Variants in DYNC2LI1 observed in about 807,000 individuals in gnomAD.
DYNC2LI1 encodes the protein dynein cytoplasmic 2 light intermediate chain 1.
DYNC2LI1 carries 45 observed loss-of-function variants against 51.9 expected under a neutral mutation model. That is an observed-to-expected ratio of 0.87 (90% CI 0.68 to 1.11). The LOEUF is 1.11. Among genes scored for constraint, DYNC2LI1 ranks in the 50% most tolerant of loss-of-function variants. The probability of loss-of-function intolerance (pLI) is 0.00; values close to 1 mark genes in which losing one functional copy is unlikely to be tolerated. For synonymous variants in DYNC2LI1, 130 were observed against 137.8 expected, an observed-to-expected ratio of 0.94 and a Z score of 0.40; for missense variants, 490 against 417.4, an observed-to-expected ratio of 1.17 and a Z score of -1.51.
At chr2:43,828,048 A>C in the DYNC2LI1 span, 1 of 1,614,064 alleles carries the variant, frequency 6.2e-7, no homozygotes, top group Non-Finnish European at 8.5e-7. Context: ...AATGCCCCCC[A>C]AGCTGTAGTT....
intron 10 of DYNC2LI1, among the ~76,000 whole-genome samples, chr2:43,803,514 G>C (rs943418733): frequency 1.3e-5 from 2 of 152,160 alleles, no homozygotes; most frequent in African/African-American, 4.8e-5. Flanking sequence ...AGAGGGCAGG[G>C]ATAGAACTAT....
the DYNC2LI1 span, chr2:43,822,760 G>C: frequency 6.2e-7 from 1 of 1,613,828 alleles, no homozygotes; most frequent in Non-Finnish European, 8.5e-7. Flanking sequence ...ATGACTCCAT[G>C]GGAGCCCGGC....
chr2:43,786,353 C>CT (rs1051547944), intron 3 of DYNC2LI1, among the ~76,000 whole-genome samples: 6 of 151,148 alleles, frequency 4.0e-5, no homozygotes, highest in African/African-American at 9.7e-5. Flanking sequence ...CATGTGCTAC[C>CT]TTTTTTTTTG....
intron 3 of DYNC2LI1, among the ~76,000 whole-genome samples, chr2:43,784,444 CTT>C (rs1020543253): frequency 1.4e-5 from 2 of 145,870 alleles, no homozygotes; most frequent in African/African-American, 5.0e-5. Flanking sequence ...TTCTTTCTTT[CTT>C]TTTTTTTTTT....
chr2:43,818,298 G>T, the DYNC2LI1 span, among the ~76,000 whole-genome samples: 6 of 152,058 alleles, frequency 3.9e-5, no homozygotes, highest in African/African-American at 1.2e-4. Flanking sequence ...ACAAAAATTA[G>T]CCGAGCATGG....
At chr2:43,791,367 C>T (rs1673775985) in intron 5 of DYNC2LI1, among the ~76,000 whole-genome samples, 2 of 152,104 alleles carry the variant, frequency 1.3e-5, no homozygotes, top group Admixed American at 6.5e-5. Flanking sequence ...ACCTCACTCC[C>T]CTTCTTGAAG....
At chr2:43,790,419 A>G (rs1434481134) in intron 5 of DYNC2LI1, among the ~76,000 whole-genome samples, 1 of 152,226 alleles carries the variant, frequency 6.6e-6, no homozygotes, top group Non-Finnish European at 1.5e-5. Context: ...TGGATCAAAT[A>G]CAAAGGGCTT....
chr2:43,823,030 G>C, the DYNC2LI1 span: 2 of 1,539,884 alleles, frequency 1.3e-6, no homozygotes, highest in Non-Finnish European at 1.8e-6. Flanking sequence ...GTCAGGGCTG[G>C]ATGGTGAGGA....
chr2:43,783,521 G>T lies in DYNC2LI1; in HGVS notation c.128G>T (p.Gly43Val). The part of the protein sequence containing the change: ...FVFFIGSKNG[G>V]KTTIILRCLD... ...TGTTCCTTCTTTTTTAATTTCCAGG[G>T]AAAGACTACTATTATTCTAAGGTGT... Residue 43 changes from glycine to valine, a missense_variant and splice_region_variant, in exon 3 of 13, where the codon GGA becomes GTA. By Grantham distance (109) the Gly-to-Val change is moderately radical. Coordinates refer to ENST00000260605, the MANE Select transcript of DYNC2LI1 (RefSeq NM_016008.4). 1 of 1,530,510 alleles carries T rather than the reference G, an allele frequency of 6.5e-7. No homozygotes were observed. The highest frequency in any genetic ancestry group is 8.7e-7 in the Non-Finnish European group (1 of 1,144,136). The allele number at this position is 1,530,510 out of a possible 1,614,324, so 94.8% of individuals were successfully genotyped here. A position where few individuals can be genotyped will look rare whatever the true frequency, so the allele number is the denominator to read the frequency against.
At chr2:43,791,244 T>G (rs999346579) in intron 5 of DYNC2LI1, among the ~76,000 whole-genome samples, 12 of 151,416 alleles carry the variant, frequency 7.9e-5, no homozygotes, top group East Asian at 3.9e-4. Context: ...GAGAGAGAGA[T>G]AGGGTGGGAG....
At position 43,794,224 on chromosome 2, in the gene DYNC2LI1, C is replaced by T. The variant is rs913252123; in HGVS notation, c.321-233C>T. The T allele has an allele frequency of 1.0e-5, 4 of 392,472 alleles. No homozygotes were observed. The Admixed American group carries it at 1.6e-4, about 16-fold the overall frequency. 24.3% of individuals were successfully genotyped at this position (392,472 alleles called of 1,614,324 possible). ...AACTAAACTACTTTTAATTTTAGTT[C>T]AAACAGAAACTTAGTTCCACTATTG... is the stretch of plus-strand genomic sequence containing the variant. On this transcript the variant is annotated intron_variant, in intron 5 of 12. Coordinates refer to ENST00000260605, the MANE Select transcript of DYNC2LI1 (RefSeq NM_016008.4).
downstream of DYNC2LI1, among the ~76,000 whole-genome samples, chr2:43,814,228 A>C (rs969469289): frequency 6.6e-6 from 1 of 152,180 alleles, no homozygotes; most frequent in Admixed American, 6.5e-5. Flanking sequence ...CTCAGTGTAC[A>C]TAAGGTCTGT....
rs760269110 is a variant in DYNC2LI1 at position 43,783,543 on chromosome 2, G to A, written c.150G>A (p.Arg50=). The A allele has an allele frequency of 6.5e-7, 1 of 1,533,196 alleles. No individual in the cohort carries two copies. Among genetic ancestry groups the A allele is most frequent in the South Asian group, 1.3e-5 (1 of 77,040 alleles). 95.0% of individuals were successfully genotyped at this position (1,533,196 alleles called of 1,614,324 possible). ...AGGGAAAGACTACTATTATTCTAAG[G>A]TGTCTTGACAGGTAAGTGTTATGTT... The part of the protein sequence containing the change: ...KNGGKTTIIL[R]CLDRDEPPKP... Residue 50 remains arginine (R), a synonymous_variant, in exon 3 of 13, where the codon AGG becomes AGA. Coordinates refer to ENST00000260605, the MANE Select transcript of DYNC2LI1 (RefSeq NM_016008.4).
chr2:43,797,410 A>G (rs1456498499), intron 8 of DYNC2LI1, among the ~76,000 whole-genome samples: 2 of 152,130 alleles, frequency 1.3e-5, no homozygotes. Flanking sequence ...GGCCTAGAAC[A>G]GAATATTACT....
chr2:43,824,131 A>T, the DYNC2LI1 span: 1 of 1,614,174 alleles, frequency 6.2e-7, no homozygotes. Context: ...GAAAACAAAC[A>T]ACCCTGTTTT....
At chr2:43,822,955 TTCAGAACAGTCAG>T in the DYNC2LI1 span, 2 of 1,613,018 alleles carry the variant, frequency 1.2e-6, no homozygotes, top group Non-Finnish European at 1.7e-6. Context: ...GAAGGCAGGT[TTCAGAACAGTCAG>T]TCACCACCCA....
intron 1 of DYNC2LI1, among the ~76,000 whole-genome samples, chr2:43,776,409 C>G (rs572024021): frequency 5.3e-5 from 8 of 152,230 alleles, no homozygotes; most frequent in Non-Finnish European, 1.2e-4. Context: ...TCCCATCTTC[C>G]TAGGTGACTT....
the DYNC2LI1 span, among the ~76,000 whole-genome samples, chr2:43,825,757 C>T: frequency 2.6e-5 from 4 of 152,110 alleles, no homozygotes; most frequent in African/African-American, 9.7e-5. Context: ...CAGGCGCACA[C>T]CACCACGCCC....
chr2:43,787,284 A>G (rs1673570153), intron 4 of DYNC2LI1, 34 bp downstream of exon 4: 3 of 1,526,064 alleles, frequency 2.0e-6, no homozygotes, highest in South Asian at 2.3e-5. Context: ...TGCTATGCCC[A>G]TAGATGGGAA....
Sources: gnomAD v4.1 joint callset for allele counts (sites outside exome capture counted in the v4.1 genomes callset) on GRCh38, gnomAD v4.1.1 for gene constraint, MANE v1.5 for transcripts, NCBI Gene and HGNC (gene_info 2026-07-23, HGNC 2026-07-21) for gene names.